The following CCNDBP1 variants were observed in gnomAD, a reference collection of about 807,000 sequenced individuals.
CCNDBP1 encodes cyclin-D1-binding protein 1.
In CCNDBP1, 45 loss-of-function variants were observed where a neutral mutation model predicts 46.2. The ratio of observed to expected loss-of-function variants is 0.97; its 90% CI spans 0.77 to 1.25. The LOEUF (loss-of-function observed/expected upper bound fraction) is 1.25. Ranked by LOEUF, CCNDBP1 falls within the 50% of genes most tolerant of loss-of-function variation. The pLI is 0.00. For missense variants in CCNDBP1, 436 were observed against 442.1 expected (o/e 0.99, Z 0.12); for synonymous variants, 154 against 163.6 (o/e 0.94, Z 0.45).
At chr15:43,191,084 T>C (rs779543965) in intron 7 of CCNDBP1, 42 bp downstream of exon 7, 4 of 1,409,310 alleles carry the variant, frequency 2.8e-6, no homozygotes, top group Non-Finnish European at 4.0e-6. Flanking sequence ...CCTTGACTAG[T>C]AGATGAGAAT....
At position 43,190,975 on chromosome 15, in the gene CCNDBP1, C is replaced by T; in HGVS notation, c.512C>T (p.Ala171Val). ...QMPQIPRDNK[A>V]AALLMLTKNV... ...GATTTTTCACTCATAGATAACAAAG[C>T]TGCAGCTCTTTTGATGCTGACCAAG... The change falls in exon 7 of 11, where the codon GCT (alanine) becomes GTT (valine). Residue 171 changes from alanine (A) to valine (V), a missense_variant. Ala to Val is a moderately conservative substitution (Grantham distance 64). Coordinates refer to ENST00000300213, the MANE Select transcript of CCNDBP1 (RefSeq NM_012142.5). 1 of 1,613,784 alleles carries T rather than the reference C, an allele frequency of 6.2e-7. No individual in the cohort carries two copies. The highest frequency in any genetic ancestry group is 1.1e-5 in the South Asian group (1 of 91,080).
In CCNDBP1 at chr15:43,185,936, C is replaced by T. The variant is rs935715159; in HGVS notation, c.169+57C>T. 3.3e-6 allele frequency: 5 copies of T among 1,528,576 alleles called. No individual in the cohort carries two copies. The African/African-American group carries it at 4.1e-5, about 12-fold the overall frequency. The allele number at this position is 1,528,576 out of a possible 1,614,324, so 94.7% of individuals were successfully genotyped here. A position where few individuals can be genotyped will look rare whatever the true frequency, so the allele number is the denominator to read the frequency against. On this transcript the variant is annotated intron_variant, in intron 2 of 10. Coordinates refer to ENST00000300213, the MANE Select transcript of CCNDBP1 (RefSeq NM_012142.5). ...CTCAGTTCCTCCAGCGTCCCGACCCCTTTTCCTCCCGCTGTCCCCCACGGA... is the reference window on the plus strand; with the variant it reads ...CTCAGTTCCTCCAGCGTCCCGACCCTTTTTCCTCCCGCTGTCCCCCACGGA...
rs754056129 is a variant in CCNDBP1 at position 43,190,194 on chromosome 15, T to C, written c.428+43T>C. ...TAGGTTACCAGTTATTGGGGTTCCT[T>C]GCCTCAGAGGGGAAAAGCTCATTTT... On this transcript the variant is annotated intron_variant, in intron 5 of 10. Coordinates refer to ENST00000300213, the MANE Select transcript of CCNDBP1 (RefSeq NM_012142.5). The C allele has an allele frequency of 2.0e-5, 32 of 1,602,244 alleles. No individual in the cohort carries two copies. In the Admixed American group the frequency reaches 2.2e-4, roughly 11 times the overall value.
chr15:43,189,115 GA>G (rs2041906141), intron 3 of CCNDBP1, 83 bp from the exon 4 acceptor site: 2 of 303,152 alleles, frequency 6.6e-6, no homozygotes, highest in African/African-American at 2.6e-5. Flanking sequence ...GAAAAAGAAA[GA>G]AAAGAAAAAG....
At chr15:43,187,992 G>GT (rs999731253) in intron 3 of CCNDBP1, among the ~76,000 whole-genome samples, 44 of 150,842 alleles carry the variant, frequency 2.9e-4, no homozygotes, top group African/African-American at 7.1e-4. Flanking sequence ...GTGGTTGTTG[G>GT]TTTTTTTTTG....
rs756151109 is a variant in CCNDBP1, at chr15:43,189,101, A to AAAAAAAG, written c.250-95_250-94insAAAGAAA. 4.2e-4 allele frequency: 70 copies of AAAAAAAG among 165,868 alleles called. 4 individuals carry two copies. The highest frequency in any genetic ancestry group is 3.6e-3 in the Middle Eastern group (2 of 554). The allele number at this position is 165,868 out of a possible 1,614,324, so 10.3% of individuals were successfully genotyped here. A position where few individuals can be genotyped will look rare whatever the true frequency, so the allele number is the denominator to read the frequency against. On this transcript the variant is annotated intron_variant, in intron 3 of 10. Coordinates refer to ENST00000300213, the MANE Select transcript of CCNDBP1 (RefSeq NM_012142.5). ...TCAAAAAAAAAAAAAAAAAAAAAAA[A>AAAAAAAG]AAAGAAAAAGAAAGAAAAGAAAAAG...
Position 43,195,530 on chromosome 15 carries a change from C to T in CCNDBP1, c.*689C>T, listed in dbSNP as rs2042028506. 6.6e-6 allele frequency: 1 copy of T among 151,984 alleles called. No homozygotes were observed. The highest frequency in any genetic ancestry group is 1.5e-5 in the Non-Finnish European group (1 of 67,998). The allele number at this position is 151,984 out of a possible 1,614,324, so 9.4% of individuals were successfully genotyped here. ...TGTGTTGTCCTTGGTTACGTGTGTC[C>T]CCAAATGTAAATACCAAATTTTTAT... On this transcript the variant is annotated 3_prime_UTR_variant, in exon 11 of 11. Coordinates refer to ENST00000300213, the MANE Select transcript of CCNDBP1 (RefSeq NM_012142.5).
At chr15:43,194,653 G>C in intron 10 of CCNDBP1, 74 bp from the exon 11 acceptor site, 3 of 1,227,866 alleles carry the variant, frequency 2.4e-6, no homozygotes, top group Non-Finnish European at 3.5e-6. Flanking sequence ...TTTTCCCTGT[G>C]CTCCCTCCTG....
In CCNDBP1 at chr15:43,190,184, T is replaced by C. The variant is rs1320772169; in HGVS notation, c.428+33T>C. On this transcript the variant is annotated intron_variant, in intron 5 of 10. Coordinates refer to ENST00000300213, the MANE Select transcript of CCNDBP1 (RefSeq NM_012142.5). Reference sequence around the variant, plus strand: ...TGCCACAGTTTAGGTTACCAGTTATTGGGGTTCCTTGCCTCAGAGGGGAAA... The same window carrying C: ...TGCCACAGTTTAGGTTACCAGTTATCGGGGTTCCTTGCCTCAGAGGGGAAA... 3.7e-6 allele frequency: 6 copies of C among 1,605,542 alleles called. No homozygotes were observed. The Admixed American group carries it at 1.0e-4, about 27-fold the overall frequency.
chr15:43,192,744 G>A lies in CCNDBP1; in HGVS notation c.862G>A (p.Val288Met). 1 of 1,614,060 alleles carries A rather than the reference G, an allele frequency of 6.2e-7. No homozygotes were observed. Among genetic ancestry groups the A allele is most frequent in the Non-Finnish European group, 8.5e-7 (1 of 1,179,952 alleles). Reference protein sequence around the residue: ...VDISDEISPSVDDLALSIYPP... With the variant: ...VDISDEISPSMDDLALSIYPP... The stretch of plus-strand genomic sequence containing the variant: ...ATTACTTTTGTTTTCTGCTCTTAGT[G>A]TGGATGATTTGGCTCTGAGCATATA... Residue 288 changes from valine to methionine, a missense_variant and splice_region_variant, in exon 9 of 11, where the codon GTG becomes ATG. Physicochemically the swap from Val to Met is conservative, Grantham distance 21. Transcript: ENST00000300213.
At chr15:43,188,114 C>A (rs765899468) in intron 3 of CCNDBP1, among the ~76,000 whole-genome samples, 1 of 152,132 alleles carries the variant, frequency 6.6e-6, no homozygotes, top group Non-Finnish European at 1.5e-5. Context: ...TAAACACTCT[C>A]AGTCACTGCT....
chr15:43,191,419 T>G lies in CCNDBP1; in HGVS notation c.604T>G (p.Ser202Ala), dbSNP rs1201112385. 2 of 1,552,822 alleles carry G rather than the reference T, an allele frequency of 1.3e-6. No homozygotes were observed. Among genetic ancestry groups the G allele is most frequent in the South Asian group, 2.2e-5 (2 of 89,822 alleles). Reference protein sequence around the residue: ...EQAVEECDPYSGLLNDTEENN... With the variant: ...EQAVEECDPYAGLLNDTEENN... ...GGCTGTGGAAGAATGTGACCCTTAC[T>G]CTGGCCTCTTGAATGATACTGAGGA... Residue 202 changes from serine to alanine, a missense_variant, in exon 8 of 11, where the codon TCT becomes GCT. By Grantham distance (99) the Ser-to-Ala change is moderately conservative. Transcript: ENST00000300213.
At chr15:43,189,097 A>G (rs934974702) in intron 3 of CCNDBP1, 102 bp from the exon 4 acceptor site, 6 of 474,474 alleles carry the variant, frequency 1.3e-5, no homozygotes, top group African/African-American at 8.4e-5. Flanking sequence ...AAAAAAAAAA[A>G]AAAAAAAGAA....
intron 3 of CCNDBP1, 115 bp from the exon 4 acceptor site, chr15:43,189,077 CAAAAAAA>C (rs763476042): frequency 4.0e-4 from 61 of 152,188 alleles, no homozygotes; most frequent in African/African-American, 9.4e-4. Flanking sequence ...GACTCTGTCT[CAAAAAAA>C]AAAAAAAAAA....
chr15:43,194,579 T>C (rs2042014714), intron 10 of CCNDBP1, 118 bp downstream of exon 10: 1 of 1,047,120 alleles, frequency 9.5e-7, no homozygotes, highest in South Asian at 1.6e-5. Context: ...TGGGATTTTC[T>C]TTCAGCTTCA....
In CCNDBP1 at chr15:43,186,143, C is replaced by T; in HGVS notation, c.170-11C>T. On this transcript the variant is annotated splice_polypyrimidine_tract_variant and intron_variant, in intron 2 of 10. Transcript: ENST00000300213. ...GTATTGGCACCTGCCTCCTCTTCGG[C>T]CACCCCCCAGATGAGGCAGCTGTGA... 1 of 1,613,168 alleles carries T rather than the reference C, an allele frequency of 6.2e-7. No homozygotes were observed. Among genetic ancestry groups the T allele is most frequent in the Non-Finnish European group, 8.5e-7 (1 of 1,179,206 alleles).
chr15:43,185,656 CG>C, intron 1 of CCNDBP1, 49 bp downstream of exon 1: 1 of 213,128 alleles, frequency 4.7e-6, no homozygotes. Flanking sequence ...GGCTCGGGGT[CG>C]GGGAGAGGCC....
intron 3 of CCNDBP1, among the ~76,000 whole-genome samples, chr15:43,186,458 A>T (rs1463379277): frequency 2.0e-5 from 3 of 152,164 alleles, no homozygotes. Flanking sequence ...TCTGAAGTTT[A>T]TCCTGGTTGT....
Position 43,186,196 on chromosome 15 carries a change from C to T in CCNDBP1, c.212C>T (p.Thr71Ile). The T allele has an allele frequency of 6.2e-7, 1 of 1,614,192 alleles. No homozygotes were observed. Among genetic ancestry groups the T allele is most frequent in the African/African-American group, 1.3e-5 (1 of 75,050 alleles). ...GTGTCAAGGGAAGCCACGACTCTGA[C>T]CATAGTCTTCTCTCAGCTTCCACTG... is the stretch of plus-strand genomic sequence containing the variant. ...VTVSREATTL[T>I]IVFSQLPLPS... is the part of the protein sequence containing the mutation. Residue 71 changes from threonine (T) to isoleucine (I), a missense_variant, in exon 3 of 11, where the codon ACC (threonine) becomes ATC (isoleucine). Thr to Ile is a moderately conservative substitution (Grantham distance 89, BLOSUM62 -1). Transcript: ENST00000300213.
Sources: allele counts gnomAD v4.1 joint callset (sites outside exome capture counted in the v4.1 genomes callset), GRCh38; gene constraint gnomAD v4.1.1; transcripts MANE v1.5; gene names NCBI Gene and HGNC (gene_info 2026-07-23, HGNC 2026-07-21).